ART4: variants seen among roughly 807,000 people sequenced by gnomAD.
ART4 encodes ADP-ribosyltransferase 4 (inactive) (Dombrock blood group), also known as ecto-ADP-ribosyltransferase 4.
Under a neutral mutation model 24.2 loss-of-function variants are expected in ART4, and 14 were observed. That is an observed-to-expected ratio of 0.58 (90% confidence interval 0.38 to 0.90). ART4 has a LOEUF of 0.90. Among genes scored for constraint, ART4 ranks in the 40% least tolerant of loss-of-function variants. ART4 has a pLI of 0.00. For missense variants in ART4, 356 were observed against 366.6 expected, an observed-to-expected ratio of 0.97 and a Z score of 0.24; for synonymous variants, 145 against 139.9, an observed-to-expected ratio of 1.04 and a Z score of -0.26.
intron 2 of ART4, among the ~76,000 whole-genome samples, chr12:14,830,425 C>G (rs1202342393): frequency 6.6e-6 from 1 of 150,904 alleles, no homozygotes; most frequent in Non-Finnish European, 1.5e-5. Context: ...CTCTAATTGC[C>G]TCAATATTTG....
chr12:14,840,776 G>T lies in ART4; in HGVS notation c.522C>A (p.Ser174Arg). The T allele has an allele frequency of 6.2e-7, 1 of 1,614,180 alleles. No individual in the cohort carries two copies. The highest frequency in any genetic ancestry group is 8.5e-7 in the Non-Finnish European group (1 of 1,180,028). Residue 174 changes from serine (S) to arginine (R), a missense_variant, in exon 2 of 3, where the codon AGC becomes AGA. Physicochemically the swap from Ser to Arg is moderately radical, Grantham distance 110. Transcript: ENST00000228936. Reference protein sequence around the residue: ...TSAIQLLRKDSIMENGTLCYE... With the variant: ...TSAIQLLRKDRIMENGTLCYE... Reference sequence around the variant, plus strand: ...AGCACAGAGTGCCATTCTCCATGATGCTGTCTTTCCTCAGCAGCTGGATTG... The same window carrying T: ...AGCACAGAGTGCCATTCTCCATGATTCTGTCTTTCCTCAGCAGCTGGATTG...
intron 2 of ART4, among the ~76,000 whole-genome samples, chr12:14,839,104 G>A (rs1392171935): frequency 2.6e-5 from 4 of 151,970 alleles, no homozygotes; most frequent in Non-Finnish European, 5.9e-5. Context: ...CTAAGATGTT[G>A]ACCAAATTGA....
intron 1 of ART4, among the ~76,000 whole-genome samples, chr12:14,842,154 G>A (rs1308150459): frequency 6.6e-6 from 1 of 152,160 alleles, no homozygotes; most frequent in Non-Finnish European, 1.5e-5. Context: ...AATATCATCA[G>A]ACTATCATTT....
intron 2 of ART4, among the ~76,000 whole-genome samples, chr12:14,837,895 G>A (rs752802373): frequency 7.2e-5 from 11 of 152,298 alleles, no homozygotes; most frequent in East Asian, 5.8e-4. Flanking sequence ...TGAAAAAAGA[G>A]TTTAAGCAAC....
rs764484774 is a variant in ART4, at chr12:14,843,226, CT to C, written c.-114del. 2.2e-6 allele frequency: 3 copies of C among 1,354,398 alleles called. No homozygotes were observed. Among genetic ancestry groups the C allele is most frequent in the Non-Finnish European group, 3.0e-6 (3 of 995,872 alleles). 83.9% of individuals were successfully genotyped at this position (1,354,398 alleles called of 1,614,324 possible). A position where few individuals can be genotyped will look rare whatever the true frequency, so the allele number is the denominator to read the frequency against. Reference sequence around the variant, plus strand: ...GTCTCATCCGTAACCGTTTTTTCCCCTGTCTATGCTGAGCAACTTCTGTTGC... The same window carrying C: ...GTCTCATCCGTAACCGTTTTTTCCCCGTCTATGCTGAGCAACTTCTGTTGC... On this transcript the variant is annotated 5_prime_UTR_variant, in exon 1 of 3. Transcript: ENST00000228936.
At chr12:14,829,844 C>T (rs1411788092) in intron 2 of ART4, among the ~76,000 whole-genome samples, 3 of 152,156 alleles carry the variant, frequency 2.0e-5, no homozygotes, top group South Asian at 4.1e-4. Flanking sequence ...CTATTTCGAG[C>T]CCTTGCTATA....
chr12:14,839,045 T>A (rs1043606966), intron 2 of ART4, among the ~76,000 whole-genome samples: 5 of 152,198 alleles, frequency 3.3e-5, no homozygotes, highest in African/African-American at 1.2e-4. Context: ...TTGATATCTC[T>A]AAATTTTCCT....
intron 2 of ART4, among the ~76,000 whole-genome samples, chr12:14,836,382 T>A (rs1950431030): frequency 6.6e-6 from 1 of 152,038 alleles, no homozygotes; most frequent in Admixed American, 6.6e-5. Flanking sequence ...ACAGCAGATC[T>A]GATAACCGAG....
chr12:14,831,797 C>G (rs1463144226), intron 2 of ART4, among the ~76,000 whole-genome samples: 1 of 152,024 alleles, frequency 6.6e-6, no homozygotes, highest in African/African-American at 2.4e-5. Context: ...GTTACTATTG[C>G]ACAGCTCAGA....
rs138414095 is a variant in ART4, at chr12:14,840,844, G to A, written c.454C>T (p.Arg152Cys). The A allele has an allele frequency of 1.0e-4, 166 of 1,614,142 alleles. 1 individual carries two copies. The African/African-American group carries it at 1.8e-3, about 18-fold the overall frequency. Reference protein sequence around the residue: ...SVARTPQQYERSFHFKYLHYY... With the variant: ...SVARTPQQYECSFHFKYLHYY... ...TGTAAATATTTGAAGTGGAATGAAC[G>A]TTCATACTGCTGTGGAGTCCTGGCA... The change falls in exon 2 of 3, where the codon CGT becomes TGT. Residue 152 changes from arginine to cysteine, a missense_variant. By Grantham distance (180) the Arg-to-Cys change is radical (BLOSUM62 -3). Transcript: ENST00000228936.
intron 2 of ART4, among the ~76,000 whole-genome samples, chr12:14,834,102 A>G (rs544226140): frequency 6.6e-6 from 1 of 152,358 alleles, no homozygotes; most frequent in East Asian, 1.9e-4. Flanking sequence ...CATTTTATAA[A>G]TGAAGAAACA....
intron 2 of ART4, among the ~76,000 whole-genome samples, chr12:14,835,346 G>T (rs1281374146): frequency 6.6e-6 from 1 of 152,026 alleles, no homozygotes; most frequent in Non-Finnish European, 1.5e-5. Flanking sequence ...TGGGTCTGGG[G>T]AGAGTCCACT....
chr12:14,840,513 G>A lies in ART4; in HGVS notation c.785C>T (p.Pro262Leu), dbSNP rs760876355. The A allele has an allele frequency of 3.1e-6, 5 of 1,614,132 alleles. No homozygotes were observed. In the South Asian group the frequency reaches 3.3e-5, roughly 11 times the overall value. The change falls in exon 2 of 3, where the codon CCA becomes CTA. Residue 262 changes from proline (P) to leucine (L), a missense_variant. Coordinates refer to ENST00000228936, the MANE Select transcript of ART4 (RefSeq NM_021071.4). ...LFKVINMSYHPRGDWLQLRST... is the reference protein window; with the variant it reads ...LFKVINMSYHLRGDWLQLRST... The stretch of plus-strand genomic sequence containing the variant: ...CCTCAACTGCAACCAGTCTCCTCTT[G>A]GGTGGTAGCTCATATTTATAACTTT...
chr12:14,842,946 T>C (rs780383149), intron 1 of ART4, 24 bp downstream of exon 1: 3 of 1,600,154 alleles, frequency 1.9e-6, no homozygotes, highest in Non-Finnish European at 1.7e-6. Flanking sequence ...CATAAAGAGA[T>C]CACCCCCTCA....
intron 2 of ART4, among the ~76,000 whole-genome samples, chr12:14,834,596 T>C (rs1393798553): frequency 6.6e-6 from 1 of 152,194 alleles, no homozygotes; most frequent in Admixed American, 6.5e-5. Flanking sequence ...TTTTAACAAA[T>C]AAATCCCTGT....
chr12:14,842,326 T>G (rs1863063771), intron 1 of ART4, among the ~76,000 whole-genome samples: 1 of 152,206 alleles, frequency 6.6e-6, no homozygotes, highest in Non-Finnish European at 1.5e-5. Flanking sequence ...ACATCCCATT[T>G]GGTATTTTTA....
rs4764126 is a variant in ART4, at chr12:14,827,645, G to A, written c.*1726C>T. 23,244 of 151,990 alleles carry A rather than the reference G, an allele frequency of 0.15. 2,057 individuals carry two copies. The highest frequency in any genetic ancestry group is 0.2 in the Non-Finnish European group (13,717 of 68,024). 9.4% of individuals were successfully genotyped at this position (151,990 alleles called of 1,614,324 possible). A position where few individuals can be genotyped will look rare whatever the true frequency, so the allele number is the denominator to read the frequency against. ...TCTTGAACTCCTGACCTCGTGATCC[G>A]TCCTCCTCGGCCTCCCAAAGTGCTG... On this transcript the variant is annotated 3_prime_UTR_variant, in exon 3 of 3. Transcript: ENST00000228936.
At position 14,840,875 on chromosome 12, in the gene ART4, G is replaced by A. The variant is rs1863036263; in HGVS notation, c.423C>T (p.Ala141=). ...NVHSDFTRAM[A]SVARTPQQYE... ...ACTGCTGTGGAGTCCTGGCAACAGA[G>A]GCCATGGCTCTAGTAAAGTCAGAAT... The change falls in exon 2 of 3, where the codon GCC becomes GCT. Residue 141 remains alanine (A), a synonymous_variant. Transcript: ENST00000228936. The A allele has an allele frequency of 6.2e-7, 1 of 1,614,078 alleles. No homozygotes were observed. Among genetic ancestry groups the A allele is most frequent in the Non-Finnish European group, 8.5e-7 (1 of 1,180,036 alleles).
chr12:14,842,729 G>A (rs1221243342), intron 1 of ART4, among the ~76,000 whole-genome samples: 1 of 152,182 alleles, frequency 6.6e-6, no homozygotes, highest in East Asian at 1.9e-4. Flanking sequence ...AATTTTTACA[G>A]TGGATCAGGA....
Sources: allele counts gnomAD v4.1 joint callset (sites outside exome capture counted in the v4.1 genomes callset), GRCh38; gene constraint gnomAD v4.1.1; transcripts MANE v1.5; gene names NCBI Gene and HGNC (gene_info 2026-07-23, HGNC 2026-07-21).